UNC13D: variants seen among roughly 807,000 people sequenced by gnomAD.
UNC13D encodes unc-13 homolog D.
A neutral mutation model predicts 151.7 loss-of-function variants in UNC13D; 115 were observed. The observed-to-expected ratio is 0.76, with a 90% CI of 0.65 to 0.88. UNC13D has a LOEUF of 0.88. Among genes scored for constraint, UNC13D ranks in the 40% least tolerant of loss-of-function variants. The probability of loss-of-function intolerance (pLI) is 0.00; values close to 1 mark genes in which losing one functional copy is unlikely to be tolerated. For synonymous variants in UNC13D, 588 were observed against 612.2 expected, an observed-to-expected ratio of 0.96 and a Z score of 0.58; for missense variants, 1,369 against 1,438.7, an observed-to-expected ratio of 0.95 and a Z score of 0.78.
At chr17:75,835,263 C>A in intron 20 of UNC13D, 146 bp downstream of exon 20, 1 of 1,349,472 alleles carries the variant, frequency 7.4e-7, no homozygotes, top group South Asian at 1.3e-5. Context: ...CCAGAGGCAG[C>A]GTTTTGCACA....
At position 75,833,692 on chromosome 17, in the gene UNC13D, A is replaced by G. The variant is rs1359009173; in HGVS notation, c.2367+383T>C. Among the ~76,000 whole-genome samples the G allele has an allele frequency of 6.6e-6, 1 of 152,170 alleles. No individual in the cohort carries two copies. Among genetic ancestry groups the G allele is most frequent in the Non-Finnish European group, 1.5e-5 (1 of 68,026 alleles). On this transcript the variant is annotated intron_variant, in intron 24 of 31. Coordinates refer to ENST00000207549, the MANE Select transcript of UNC13D (RefSeq NM_199242.3). This position sits in a 1 kb window ranked among gnomAD's most constrained non-coding sequence, Gnocchi z 4.0. ...ATAGGACAAAGTGGGGACCTAATAAATAGTTGGTGAATGAATGAATATCCT... is the reference window on the plus strand; with the variant it reads ...ATAGGACAAAGTGGGGACCTAATAAGTAGTTGGTGAATGAATGAATATCCT...
Position 75,830,449 on chromosome 17 carries a change from T to C in UNC13D, c.2743A>G (p.Thr915Ala). 1 of 1,587,860 alleles carries C rather than the reference T, an allele frequency of 6.3e-7. No individual in the cohort carries two copies. Among genetic ancestry groups the C allele is most frequent in the South Asian group, 1.1e-5 (1 of 87,206 alleles). ...ETTSEELGAV[T>A]VKASYRASEQ... is the part of the protein sequence containing the mutation. Reference sequence around the variant, plus strand: ...GAGGCGCGGTAGGAGGCCTTGACTGTCACAGCCCCCAGCTCCTCAGAGGTG... The same window carrying C: ...GAGGCGCGGTAGGAGGCCTTGACTGCCACAGCCCCCAGCTCCTCAGAGGTG... The change falls in exon 29 of 32, where the codon ACA becomes GCA. Residue 915 changes from threonine (T) to alanine (A), a missense_variant. Physicochemically the swap from Thr to Ala is moderately conservative, Grantham distance 58. Around this residue, in one of 3 missense-constraint regions of UNC13D, gnomAD observed 807 missense variants for 795.5 expected, o/e 1.01. Coordinates refer to ENST00000207549, the MANE Select transcript of UNC13D (RefSeq NM_199242.3).
In UNC13D at chr17:75,835,011, G is replaced by A; in HGVS notation, c.1901C>T (p.Ser634Phe). Residue 634 changes from serine to phenylalanine, a missense_variant, in exon 21 of 32, where the codon TCC (serine) becomes TTC (phenylalanine). Physicochemically the swap from Ser to Phe is radical, Grantham distance 155 (BLOSUM62 -2). Around this residue, in one of 3 missense-constraint regions of UNC13D, gnomAD observed 807 missense variants for 795.5 expected, o/e 1.01. Transcript: ENST00000207549. ...TKHSTSAVDLSTCFAQISHTA... is the reference protein window; with the variant it reads ...TKHSTSAVDLFTCFAQISHTA... ...GTGGCTGATCTGGGCAAAGCAGGTG[G>A]ATAGATCCACCGCTGATGTGCTGTG... 2 of 1,614,084 alleles carry A rather than the reference G, an allele frequency of 1.2e-6. No homozygotes were observed. Among genetic ancestry groups the A allele is most frequent in the Non-Finnish European group, 1.7e-6 (2 of 1,180,018 alleles).
intron 29 of UNC13D, 102 bp from the exon 30 acceptor site, chr17:75,830,253 G>A (rs548771105): frequency 7.1e-6 from 11 of 1,554,798 alleles, no homozygotes; most frequent in African/African-American, 2.7e-5. Flanking sequence ...CTGGTAACTG[G>A]AGGAAATGCA....
Position 75,835,993 on chromosome 17 carries a change from G to T in UNC13D, c.1544+19C>A, listed in dbSNP as rs752742945. 6.2e-7 allele frequency: 1 copy of T among 1,614,096 alleles called. No individual in the cohort carries two copies. The highest frequency in any genetic ancestry group is 1.1e-5 in the South Asian group (1 of 91,080). On this transcript the variant is annotated intron_variant, in intron 17 of 31. Transcript: ENST00000207549. ...CTGAGGCAATGCCCCACTACCTCCC[G>T]ACCTGGCTATCTGCTCACTTGTGGA...
At chr17:75,844,076 G>T (rs563442968) in intron 1 of UNC13D, 145 bp downstream of exon 1, 2 of 1,471,556 alleles carry the variant, frequency 1.4e-6, no homozygotes, top group Admixed American at 3.8e-5. Context: ...GGCCCAGGGG[G>T]CTCTCCCCAG....
chr17:75,835,544 G>T lies in UNC13D; in HGVS notation c.1728-15C>A. On this transcript the variant is annotated splice_polypyrimidine_tract_variant and intron_variant, in intron 19 of 31. Transcript: ENST00000207549. ...GGACTCCATCCCTGGGGATTGCCGGGGCTCAGCGTCGGGAAGGCTGGGGCC... is the reference window on the plus strand; with the variant it reads ...GGACTCCATCCCTGGGGATTGCCGGTGCTCAGCGTCGGGAAGGCTGGGGCC... The T allele has an allele frequency of 1.2e-6, 2 of 1,600,678 alleles. No homozygotes were observed. The highest frequency in any genetic ancestry group is 4.5e-5 in the East Asian group (2 of 43,970).
In UNC13D at chr17:75,836,364, G is replaced by C. The variant is rs576796649; in HGVS notation, c.1364C>G (p.Pro455Arg). Residue 455 changes from proline to arginine, a missense_variant, in exon 15 of 32, where the codon CCC becomes CGC. Pro to Arg is a moderately radical substitution (Grantham distance 103). Coordinates refer to ENST00000207549, the MANE Select transcript of UNC13D (RefSeq NM_199242.3). ...CTGCAGGGCCTCAGTCACCAGCTGG[G>C]GCAATGGGGCGGTGTTGGGGCACAG... ...GELCPNTAPL[P>R]QLVTEALQTG... 1.2e-6 allele frequency: 2 copies of C among 1,613,988 alleles called. No individual in the cohort carries two copies. The highest frequency in any genetic ancestry group is 2.7e-5 in the African/African-American group (2 of 75,068).
At position 75,835,622 on chromosome 17, in the gene UNC13D, C is replaced by T. The variant is rs749960289; in HGVS notation, c.1727+25G>A. Reference sequence around the variant, plus strand: ...CTCCCCTCCCCTGTGCCCCTGCAGCCGCCCACAATTGGCCTGCTGCCCACC... The same window carrying T: ...CTCCCCTCCCCTGTGCCCCTGCAGCTGCCCACAATTGGCCTGCTGCCCACC... On this transcript the variant is annotated intron_variant, in intron 19 of 31. Transcript: ENST00000207549. The T allele has an allele frequency of 3.2e-5, 52 of 1,612,900 alleles. No individual in the cohort carries two copies. In the Middle Eastern group the frequency reaches 6.6e-4, roughly 20 times the overall value.
rs1294022376 is a variant in UNC13D, at chr17:75,828,011, TGCC to T, written c.3224_3226del (p.Arg1075del). 6.3e-7 allele frequency: 1 copy of T among 1,595,588 alleles called. No homozygotes were observed. Among genetic ancestry groups the T allele is most frequent in the Non-Finnish European group, 8.5e-7 (1 of 1,172,332 alleles). ...ATGCTGGGAGGCCTGCTTGGCCCGG[TGCC>T]GCCGCAGCCTCACAAAGACCTGGGC... On this transcript the variant is annotated inframe_deletion, in exon 32 of 32. Coordinates refer to ENST00000207549, the MANE Select transcript of UNC13D (RefSeq NM_199242.3).
intron 30 of UNC13D, 46 bp downstream of exon 30, chr17:75,829,982 G>A (rs964810880): frequency 2.6e-6 from 4 of 1,561,198 alleles, no homozygotes; most frequent in Non-Finnish European, 2.6e-6. Context: ...GAGCCCAGTG[G>A]GGAGAGATGA....
intron 30 of UNC13D, 73 bp downstream of exon 30, chr17:75,829,955 G>A: frequency 1.9e-6 from 3 of 1,551,970 alleles, no homozygotes; most frequent in East Asian, 2.4e-5. Context: ...CCCCAGCCAG[G>A]AGGAGCAGGC....
At chr17:75,830,701 G>A (rs906462432) in intron 27 of UNC13D, 40 bp from the exon 28 acceptor site, 7 of 1,550,400 alleles carry the variant, frequency 4.5e-6, no homozygotes, top group Non-Finnish European at 5.2e-6. Context: ...TGGACTGCAC[G>A]CCCAACCACA....
At position 75,828,988 on chromosome 17, in the gene UNC13D, G is replaced by A. The variant is rs201791093; in HGVS notation, c.2955-5C>T. On this transcript the variant is annotated splice_region_variant and splice_polypyrimidine_tract_variant and intron_variant, in intron 30 of 31. Transcript: ENST00000207549. The stretch of plus-strand genomic sequence containing the variant: ...CACGGCTCAGCAGGCACCAGGCTGC[G>A]GGGAGAGTCAGGGCTCTGCTGCCAG... The A allele has an allele frequency of 1.4e-5, 22 of 1,601,586 alleles. No individual in the cohort carries two copies. Among genetic ancestry groups the A allele is most frequent in the East Asian group, 6.7e-5 (3 of 44,842 alleles).
rs1384575409 is a variant in UNC13D, at chr17:75,833,000, T to A, written c.2413A>T (p.Met805Leu). The A allele has an allele frequency of 1.2e-6, 2 of 1,601,912 alleles. No individual in the cohort carries two copies. Among genetic ancestry groups the A allele is most frequent in the Non-Finnish European group, 1.7e-6 (2 of 1,175,278 alleles). Residue 805 changes from methionine (M) to leucine (L), a missense_variant, in exon 25 of 32, where the codon ATG (methionine) becomes TTG (leucine). Around this residue, in one of 3 missense-constraint regions of UNC13D, gnomAD observed 807 missense variants for 795.5 expected, o/e 1.01. Coordinates refer to ENST00000207549, the MANE Select transcript of UNC13D (RefSeq NM_199242.3). This position sits in a 1 kb window ranked among gnomAD's most constrained non-coding sequence, Gnocchi z 4.3. ...MKFLEVELCY[M>L]NTNLVQENFS... is the part of the protein sequence containing the mutation. Reference sequence around the variant, plus strand: ...TTCTCCTGCACCAAGTTGGTGTTCATGTAGCAAAGCTCCACCTCCAGGAAC... The same window carrying A: ...TTCTCCTGCACCAAGTTGGTGTTCAAGTAGCAAAGCTCCACCTCCAGGAAC...
In UNC13D at chr17:75,830,388, G is replaced by C. The variant is rs1170242067; in HGVS notation, c.2804C>G (p.Ser935Cys). The change falls in exon 29 of 32, where the codon TCC becomes TGC. Residue 935 changes from serine to cysteine, a missense_variant. By Grantham distance (112) the Ser-to-Cys change is moderately radical. This residue lies in a region of UNC13D where 807 missense variants were observed against 795.5 expected (regional missense o/e 1.01). Transcript: ENST00000207549. ...QKLRVELLSA[S>C]SLLPLDSNGS... is the part of the protein sequence containing the mutation. ...ATTGGAGTCCAGGGGCAGCAGGCTG[G>C]AGGCGCTGAGCAGCTCCACACGCAG... The C allele has an allele frequency of 1.3e-6, 2 of 1,590,702 alleles. No individual in the cohort carries two copies. Among genetic ancestry groups the C allele is most frequent in the African/African-American group, 1.3e-5 (1 of 74,592 alleles).
intron 1 of UNC13D, 191 bp from the exon 2 acceptor site, chr17:75,843,710 G>A (rs190400500): frequency 1.7e-5 from 24 of 1,452,760 alleles, no homozygotes; most frequent in Middle Eastern, 2.5e-4. Context: ...GGCCCGCCGT[G>A]GCTGAGGTCC....
At chr17:75,838,354 G>T (rs2064923047) in intron 12 of UNC13D, among the ~76,000 whole-genome samples, 1 of 152,018 alleles carries the variant, frequency 6.6e-6, no homozygotes, top group Non-Finnish European at 1.5e-5. Context: ...GAGTAGCTGG[G>T]ATTACAGACA....
In UNC13D at chr17:75,827,639, G is replaced by A. The variant is rs9916685; in HGVS notation, c.*326C>T. 0.05 allele frequency: 77,104 copies of A among 1,535,128 alleles called. 3,014 individuals are homozygous for A. The highest frequency in any genetic ancestry group is 0.2 in the African/African-American group (14,285 of 73,114). On this transcript the variant is annotated 3_prime_UTR_variant, in exon 32 of 32. Coordinates refer to ENST00000207549, the MANE Select transcript of UNC13D (RefSeq NM_199242.3). Reference sequence around the variant, plus strand: ...CAGGAGGCAGATGGGCCAGGGCCAGGAGACAGATGGCCCAATCCCCTGCCC... The same window carrying A: ...CAGGAGGCAGATGGGCCAGGGCCAGAAGACAGATGGCCCAATCCCCTGCCC...
Sources: allele counts gnomAD v4.1 joint callset (sites outside exome capture counted in the v4.1 genomes callset), GRCh38; gene constraint gnomAD v4.1.1; regional missense constraint gnomAD v4.1.1; non-coding constraint Gnocchi (gnomAD v3.1); transcripts MANE v1.5; gene names NCBI Gene and HGNC (gene_info 2026-07-23, HGNC 2026-07-21).